Variants in PALM2AKAP2 observed in about 807,000 individuals in gnomAD.
The protein encoded by PALM2AKAP2 is PALM2 and AKAP2 fusion, also known as PALM2-AKAP2 fusion protein.
In PALM2AKAP2, 37 loss-of-function variants were observed where a neutral mutation model predicts 71.5. The observed-to-expected ratio is 0.52, with a 90% confidence interval of 0.40 to 0.68. The LOEUF is 0.68. Among genes scored for constraint, PALM2AKAP2 ranks in the 30% least tolerant of loss-of-function variants. PALM2AKAP2 has a pLI of 0.00. For synonymous variants in PALM2AKAP2, 468 were observed against 478.8 expected (o/e 0.98, Z 0.29); for missense variants, 1,224 against 1,191.8 (o/e 1.03, Z -0.40).
chr9:109,824,974 G>A (rs951289086), intron 1 of PALM2AKAP2, among the ~76,000 whole-genome samples: 13 of 152,212 alleles, frequency 8.5e-5, no homozygotes, highest in Non-Finnish European at 1.6e-4. Flanking sequence ...GAGGATCGAA[G>A]GCTTAGAATT....
chr9:109,882,001 A>G (rs2131768611), intron 3 of PALM2AKAP2, among the ~76,000 whole-genome samples: 1 of 148,416 alleles, frequency 6.7e-6, no homozygotes, highest in East Asian at 2.0e-4. Flanking sequence ...CTCCTGCCTC[A>G]GCCTCCCGAG....
At chr9:109,686,484 T>G (rs1023821780) in intron 1 of PALM2AKAP2, among the ~76,000 whole-genome samples, 1 of 152,194 alleles carries the variant, frequency 6.6e-6, no homozygotes, top group African/African-American at 2.4e-5. Context: ...ACCAGGTGCA[T>G]TGTCAAGGAA....
intron 6 of PALM2AKAP2, among the ~76,000 whole-genome samples, chr9:109,972,988 A>G (rs1372964511): frequency 6.6e-6 from 1 of 152,244 alleles, no homozygotes; most frequent in Admixed American, 6.5e-5. Flanking sequence ...CACATAAGCA[A>G]AAAGACTCAG....
Position 109,839,146 on chromosome 9 carries a change from G to A in PALM2AKAP2, c.46-28345G>A, listed in dbSNP as rs879542340. On this transcript the variant is annotated intron_variant, in intron 1 of 9. Coordinates refer to the PALM2AKAP2 transcript ENST00000302798. ...ATGCAAAAATCCTCAATAAAATACC[G>A]GCAAACTGAATCCAGCAGCATATCA... Among the ~76,000 whole-genome samples the A allele has an allele frequency of 8.5e-5, 13 of 152,194 alleles. No homozygotes were observed. The East Asian group carries it at 1.4e-3, about 16-fold the overall frequency.
intron 2 of PALM2AKAP2, among the ~76,000 whole-genome samples, chr9:109,868,066 AT>A (rs1269769229): frequency 6.6e-6 from 1 of 152,186 alleles, no homozygotes; most frequent in African/African-American, 2.4e-5. Flanking sequence ...ATTTCAGATT[AT>A]TCATTTATTT....
chr9:110,017,531 G>A (rs1484435156), intron 7 of PALM2AKAP2, among the ~76,000 whole-genome samples: 2 of 152,188 alleles, frequency 1.3e-5, no homozygotes, highest in African/African-American at 4.8e-5. Flanking sequence ...GAAGGGGAAT[G>A]GGTGCCAATA....
At chr9:109,933,136 G>A (rs1376144266) in intron 6 of PALM2AKAP2, among the ~76,000 whole-genome samples, 1 of 152,220 alleles carries the variant, frequency 6.6e-6, no homozygotes, top group Non-Finnish European at 1.5e-5. Flanking sequence ...GGTTGGGACT[G>A]TAAGTGGTAT....
At chr9:109,812,839 T>A (rs1378635735) in intron 1 of PALM2AKAP2, among the ~76,000 whole-genome samples, 1 of 152,148 alleles carries the variant, frequency 6.6e-6, no homozygotes, top group Non-Finnish European at 1.5e-5. Flanking sequence ...GATCTTCCCA[T>A]GTTTGAGTCA....
chr9:110,062,615 A>G (rs1833987763), intron 1 of PALM2AKAP2, among the ~76,000 whole-genome samples: 1 of 152,204 alleles, frequency 6.6e-6, no homozygotes, highest in Non-Finnish European at 1.5e-5. Context: ...AGAATGTGCT[A>G]GGTTGTGGGA....
At chr9:109,660,389 C>G (rs1027212237) in intron 1 of PALM2AKAP2, among the ~76,000 whole-genome samples, 4 of 151,982 alleles carry the variant, frequency 2.6e-5, no homozygotes, top group African/African-American at 9.7e-5. Flanking sequence ...ATATTCCCCA[C>G]CCAGTGTCCA....
At chr9:109,920,523 G>A (rs1468812384) in intron 3 of PALM2AKAP2, among the ~76,000 whole-genome samples, 2 of 152,030 alleles carry the variant, frequency 1.3e-5, no homozygotes, top group South Asian at 2.1e-4. Context: ...GGGATTACAG[G>A]TGTGCACCAC....
chr9:110,109,318 CAAA>C (rs542467637), intron 1 of PALM2AKAP2, among the ~76,000 whole-genome samples: 6 of 79,636 alleles, frequency 7.5e-5, no homozygotes, highest in African/African-American at 1.9e-4. Flanking sequence ...TCTTTGTCTC[CAAA>C]AAAAAAAAAA....
chr9:109,977,092 G>T (rs1179436665), intron 6 of PALM2AKAP2, among the ~76,000 whole-genome samples: 1 of 151,956 alleles, frequency 6.6e-6, no homozygotes, highest in Non-Finnish European at 1.5e-5. Flanking sequence ...TCATTTAGGA[G>T]GTCTGAGGTG....
chr9:110,135,164 A>AAAAAAAAAAAAAAATATATATAT, intron 1 of PALM2AKAP2, among the ~76,000 whole-genome samples: 1 of 51,732 alleles, frequency 1.9e-5, no homozygotes, highest in Non-Finnish European at 3.8e-5. Context: ...AAAAAAAAAA[A>AAAAAAAAAAAAAAATATATATAT]ATATATAAAT....
exon 4 of PALM2AKAP2, chr9:110,171,540 GT>G (rs1836857984): frequency 6.6e-6 from 1 of 152,208 alleles, no homozygotes; most frequent in Admixed American, 6.5e-5. Flanking sequence ...GTGCTCTTGA[GT>G]TTTTTATTCA....
chr9:109,855,074 C>A (rs950651232), intron 1 of PALM2AKAP2, among the ~76,000 whole-genome samples: 1 of 147,080 alleles, frequency 6.8e-6, no homozygotes, highest in Admixed American at 6.8e-5. Flanking sequence ...GGTGCCCCCC[C>A]CTTTTTTTGG....
At chr9:109,955,995 T>C (rs569307033) in intron 6 of PALM2AKAP2, among the ~76,000 whole-genome samples, 1 of 152,022 alleles carries the variant, frequency 6.6e-6, no homozygotes, top group Non-Finnish European at 1.5e-5. Context: ...GTTTGTTTGT[T>C]TTAAGGAAAG....
At chr9:109,964,453 A>C (rs1831907272) in intron 6 of PALM2AKAP2, among the ~76,000 whole-genome samples, 1 of 152,250 alleles carries the variant, frequency 6.6e-6, no homozygotes, top group African/African-American at 2.4e-5. Context: ...TTGAACCAGT[A>C]GGAGCGAGAG....
intron 2 of PALM2AKAP2, among the ~76,000 whole-genome samples, chr9:110,142,417 G>C (rs1352571733): frequency 6.6e-6 from 1 of 152,136 alleles, no homozygotes. Flanking sequence ...AAAGGAAGAA[G>C]CTCCACTTAA....
Sources: allele counts gnomAD v4.1 joint callset (sites outside exome capture counted in the v4.1 genomes callset), GRCh38; gene constraint gnomAD v4.1.1; transcripts MANE v1.5; gene names NCBI Gene and HGNC (gene_info 2026-07-23, HGNC 2026-07-21).